The following TUSC3 variants were observed in gnomAD, a reference collection of about 807,000 sequenced individuals.
TUSC3 encodes dolichyl-diphosphooligosaccharide--protein glycosyltransferase subunit TUSC3.
A neutral mutation model predicts 44.8 loss-of-function variants in TUSC3; 45 were observed. The ratio of observed to expected loss-of-function variants is 1.00; its 90% confidence interval spans 0.79 to 1.29. TUSC3 has a LOEUF of 1.29. Ranked by LOEUF, TUSC3 falls within the 50% of genes most tolerant of loss-of-function variation. The probability of loss-of-function intolerance (pLI) is 0.00; values close to 1 mark genes in which losing one functional copy is unlikely to be tolerated. For missense variants in TUSC3, 519 were observed against 437.9 expected (o/e 1.19, Z -1.65); for synonymous variants, 212 against 152.9 (o/e 1.39, Z -2.85).
intron 6 of TUSC3, among the ~76,000 whole-genome samples, chr8:15,678,787 C>G (rs567633146): frequency 1.3e-4 from 20 of 152,258 alleles, no homozygotes; most frequent in African/African-American, 3.6e-4. Flanking sequence ...CCCTCACTCC[C>G]TCTTTTTGGA....
At chr8:15,730,550 TA>T in intron 6 of TUSC3, 115 bp from the exon 7 acceptor site, 2 of 1,005,746 alleles carry the variant, frequency 2.0e-6, no homozygotes, top group Non-Finnish European at 3.0e-6. Flanking sequence ...TAGAAAGTAA[TA>T]AAAAATTAGT....
Position 15,519,775 on chromosome 8 carries a change from G to T in TUSC3, n.189+36292G>T, listed in dbSNP as rs113090013. ...CACTGGATTAAGTAATTATATAATT[G>T]TAGAAAGGTCTATATTTACTATCAA... is the stretch of plus-strand genomic sequence containing the variant. On this transcript the variant is annotated intron_variant and non_coding_transcript_variant, in intron 2 of 5. Coordinates refer to the TUSC3 transcript ENST00000503191. Among the ~76,000 whole-genome samples the T allele has an allele frequency of 9.1e-3, 1,386 of 152,306 alleles. 22 individuals are homozygous for T. The highest frequency in any genetic ancestry group is 0.031 in the African/African-American group (1,286 of 41,572).
chr8:15,717,106 C>T (rs773388413), intron 6 of TUSC3, among the ~76,000 whole-genome samples: 6 of 151,976 alleles, frequency 3.9e-5, no homozygotes, highest in South Asian at 4.1e-4. Context: ...TTGAAAACAA[C>T]GCTATGACAT....
the TUSC3 span, among the ~76,000 whole-genome samples, chr8:15,838,517 C>G: frequency 6.6e-6 from 1 of 152,134 alleles, no homozygotes; most frequent in African/African-American, 2.4e-5. Context: ...TGTTGGCCCA[C>G]TTTCAGCTCC....
intron 1 of TUSC3, among the ~76,000 whole-genome samples, chr8:15,470,850 G>A (rs573387570): frequency 7.9e-5 from 12 of 152,198 alleles, no homozygotes; most frequent in Admixed American, 1.3e-4. Flanking sequence ...GGTGTGAGTG[G>A]CTCTGTGATA....
At chr8:15,539,697 C>T (rs1246190968), upstream of TUSC3, among the ~76,000 whole-genome samples, 2 of 152,060 alleles carry the variant, frequency 1.3e-5, no homozygotes, top group Admixed American at 6.5e-5. Context: ...TGAAGTAAGT[C>T]TATTCGTTTT....
intron 2 of TUSC3, among the ~76,000 whole-genome samples, chr8:15,505,545 C>T (rs1021715447): frequency 7.9e-5 from 12 of 152,092 alleles, no homozygotes; most frequent in East Asian, 1.9e-4. Context: ...TTGAATCTTC[C>T]GATTCCATAG....
chr8:15,523,858 C>T (rs150013459), intron 2 of TUSC3, among the ~76,000 whole-genome samples: 2,320 of 151,404 alleles, frequency 0.015, 49 homozygotes, highest in African/African-American at 0.052. Flanking sequence ...GAAATCGAGA[C>T]CATCCTCGCC....
At chr8:15,848,457 G>A in the TUSC3 span, among the ~76,000 whole-genome samples, 5 of 152,310 alleles carry the variant, frequency 3.3e-5, no homozygotes, top group East Asian at 9.7e-4. Context: ...AGGGCAGGCT[G>A]CTTTGTGGGA....
At chr8:15,421,955 C>G (rs1016593236) in intron 1 of TUSC3, among the ~76,000 whole-genome samples, 16 of 152,136 alleles carry the variant, frequency 1.1e-4, no homozygotes, top group African/African-American at 3.9e-4. Flanking sequence ...ACTGTCTTCT[C>G]TAGGAGCCAG....
chr8:15,834,689 T>G, the TUSC3 span, among the ~76,000 whole-genome samples: 3 of 152,184 alleles, frequency 2.0e-5, no homozygotes, highest in African/African-American at 7.2e-5. Flanking sequence ...CTAGTCTTAT[T>G]GAGTTAATTC....
intron 1 of TUSC3, among the ~76,000 whole-genome samples, chr8:15,442,478 T>C (rs955372788): frequency 1.1e-4 from 16 of 152,174 alleles, no homozygotes; most frequent in Non-Finnish European, 2.2e-4. Context: ...AATAAAGTTT[T>C]ATTTAAAAAG....
intron 1 of TUSC3, among the ~76,000 whole-genome samples, chr8:15,446,466 C>G (rs1372842911): frequency 6.6e-6 from 1 of 152,108 alleles, no homozygotes; most frequent in Non-Finnish European, 1.5e-5. Context: ...GAGACTCCGT[C>G]TGCAATCCCG....
At chr8:15,505,580 A>T (rs1801041298) in intron 2 of TUSC3, among the ~76,000 whole-genome samples, 1 of 152,162 alleles carries the variant, frequency 6.6e-6, no homozygotes, top group Admixed American at 6.5e-5. Context: ...GTATGTCCCA[A>T]GCTTGTCTGT....
upstream of TUSC3, among the ~76,000 whole-genome samples, chr8:15,539,298 G>C (rs527678578): frequency 2.0e-5 from 3 of 149,646 alleles, no homozygotes; most frequent in Admixed American, 6.7e-5. Flanking sequence ...CATTAGAACG[G>C]ATCAGGCCCA....
At chr8:15,723,955 TC>T (rs1297867884) in intron 6 of TUSC3, among the ~76,000 whole-genome samples, 2 of 152,142 alleles carry the variant, frequency 1.3e-5, no homozygotes, top group East Asian at 1.9e-4. Flanking sequence ...CTGAATTCTT[TC>T]CCTCTAAAAG....
intron 1 of TUSC3, among the ~76,000 whole-genome samples, chr8:15,598,400 A>G (rs10087532): frequency 0.02 from 3,100 of 152,026 alleles, 102 homozygotes; most frequent in African/African-American, 0.07. Flanking sequence ...CGTCATCTCC[A>G]TCATTATCAG....
At position 15,615,118 on chromosome 8, in the gene TUSC3, CAAAGG is replaced by C. The variant is rs1804935391; in HGVS notation, c.139-7953_139-7949del. 9.2e-5 allele frequency among the ~76,000 whole-genome samples: 14 copies of C among 152,116 alleles called. No individual in the cohort carries two copies. The South Asian group carries it at 2.9e-3, about 32-fold the overall frequency. ...GCAATCTCAATGATGGTTATTTATC[CAAAGG>C]AAAGGAAATCAGTGTATCAAAGAGA... On this transcript the variant is annotated intron_variant, in intron 1 of 10. Transcript: ENST00000503731.
chr8:15,585,450 G>A (rs749118029), intron 1 of TUSC3, among the ~76,000 whole-genome samples: 5 of 152,300 alleles, frequency 3.3e-5, no homozygotes, highest in Non-Finnish European at 7.4e-5. Context: ...TTTAATAAGC[G>A]AAAGATAAAA....
Sources: allele counts gnomAD v4.1 joint callset (sites outside exome capture counted in the v4.1 genomes callset), GRCh38; gene constraint gnomAD v4.1.1; transcripts MANE v1.5; gene names NCBI Gene and HGNC (gene_info 2026-07-23, HGNC 2026-07-21).